SNTG1: variants seen among roughly 807,000 people sequenced by gnomAD.
SNTG1 encodes gamma-1-syntrophin.
Under a neutral mutation model 74.7 loss-of-function variants are expected in SNTG1, and 39 were observed. That is an observed-to-expected ratio of 0.52 (90% confidence interval 0.40 to 0.68). SNTG1 has a LOEUF of 0.68. Ranked by LOEUF, SNTG1 falls within the 30% of genes least tolerant of loss-of-function variation. The probability of loss-of-function intolerance (pLI) is 0.00; values close to 1 mark genes in which losing one functional copy is unlikely to be tolerated. For missense variants in SNTG1, 685 were observed against 609.5 expected (o/e 1.12, Z -1.30); for synonymous variants, 254 against 217.1 (o/e 1.17, Z -1.49).
At chr8:50,398,257 T>A (rs1455336813) in intron 3 of SNTG1, among the ~76,000 whole-genome samples, 1 of 152,268 alleles carries the variant, frequency 6.6e-6, no homozygotes, top group Non-Finnish European at 1.5e-5. Flanking sequence ...TTGCTCACAT[T>A]TATGTATGGC....
chr8:50,689,660 C>G (rs1330035128), intron 15 of SNTG1, among the ~76,000 whole-genome samples: 4 of 152,142 alleles, frequency 2.6e-5, no homozygotes, highest in African/African-American at 4.8e-5. Context: ...CAGTATTTTA[C>G]TGAGGATTTT....
chr8:50,721,302 T>C (rs1053052365), intron 17 of SNTG1, among the ~76,000 whole-genome samples: 5 of 152,192 alleles, frequency 3.3e-5, no homozygotes, highest in Non-Finnish European at 5.9e-5. Context: ...AATAAAAAGT[T>C]AGGGCAAGCT....
chr8:50,341,671 C>A (rs909188089), intron 2 of SNTG1, among the ~76,000 whole-genome samples: 8 of 151,778 alleles, frequency 5.3e-5, no homozygotes, highest in African/African-American at 1.7e-4. Flanking sequence ...TTCTGTTTCC[C>A]AAATGAAATG....
At chr8:50,349,925 G>A (rs1388800819) in intron 2 of SNTG1, among the ~76,000 whole-genome samples, 1 of 152,142 alleles carries the variant, frequency 6.6e-6, no homozygotes, top group East Asian at 1.9e-4. Context: ...GGAGTGAGAG[G>A]CGCGAGCCGG....
chr8:50,498,985 C>A (rs1472224653), intron 8 of SNTG1, among the ~76,000 whole-genome samples: 1 of 151,460 alleles, frequency 6.6e-6, no homozygotes, highest in Non-Finnish European at 1.5e-5. Context: ...CTTTATCTAT[C>A]TTTTTGATAA....
chr8:50,246,976 A>G (rs1448377057), intron 2 of SNTG1, among the ~76,000 whole-genome samples: 4 of 152,184 alleles, frequency 2.6e-5, no homozygotes, highest in Admixed American at 2.0e-4. Flanking sequence ...ATTTCCATTG[A>G]AAGTTCGGCT....
At chr8:50,785,390 TA>T (rs2095671854) in intron 18 of SNTG1, among the ~76,000 whole-genome samples, 1 of 151,976 alleles carries the variant, frequency 6.6e-6, no homozygotes, top group African/African-American at 2.4e-5. Flanking sequence ...AACGTAACTA[TA>T]AATAATTGCT....
rs1022483242 is a variant in SNTG1, at chr8:50,234,294, G to A, written c.-28+61659G>A. ...AACATTACACTGAAGGAAAAAGGCT[G>A]TGTCAAAAATTGCATACTGAGTGAT... On this transcript the variant is annotated intron_variant, in intron 2 of 18. Transcript: ENST00000642720. 2.0e-5 allele frequency among the ~76,000 whole-genome samples: 3 copies of A among 152,090 alleles called. No homozygotes were observed. The South Asian group carries it at 6.2e-4, about 31-fold the overall frequency.
intron 2 of SNTG1, among the ~76,000 whole-genome samples, chr8:50,260,952 G>C (rs2087162509): frequency 6.6e-6 from 1 of 152,162 alleles, no homozygotes; most frequent in Admixed American, 6.5e-5. Flanking sequence ...ACTAGAAAGA[G>C]AGAGAAAAAA....
At chr8:50,035,798 C>T (rs1285746999) in intron 1 of SNTG1, among the ~76,000 whole-genome samples, 2 of 152,118 alleles carry the variant, frequency 1.3e-5, no homozygotes, top group Non-Finnish European at 2.9e-5. Context: ...TGGGACTGGA[C>T]CGGAACACAC....
At chr8:50,286,180 T>C (rs2088772522) in intron 2 of SNTG1, among the ~76,000 whole-genome samples, 1 of 152,162 alleles carries the variant, frequency 6.6e-6, no homozygotes, top group Admixed American at 6.6e-5. Context: ...GGCAGTAGTG[T>C]TCAGAGAATG....
intron 1 of SNTG1, among the ~76,000 whole-genome samples, chr8:50,107,572 T>TG (rs946600926): frequency 3.9e-5 from 6 of 151,952 alleles, no homozygotes; most frequent in South Asian, 4.2e-4. Context: ...TTTTTTGTTT[T>TG]TTTTGTTTTG....
At chr8:50,374,717 T>A (rs1444645035) in intron 2 of SNTG1, among the ~76,000 whole-genome samples, 1 of 152,244 alleles carries the variant, frequency 6.6e-6, no homozygotes, top group East Asian at 1.9e-4. Flanking sequence ...CAAATCAATG[T>A]GAACTGCTCA....
In SNTG1 at chr8:50,794,535, A is replaced by G. The variant is rs745523391; in HGVS notation, c.*1706A>G. 3.9e-5 allele frequency: 6 copies of G among 152,048 alleles called. No individual in the cohort carries two copies. The highest frequency in any genetic ancestry group is 8.8e-5 in the Non-Finnish European group (6 of 67,968). 9.4% of individuals were successfully genotyped at this position (152,048 alleles called of 1,614,324 possible). On this transcript the variant is annotated 3_prime_UTR_variant, in exon 19 of 19. Coordinates refer to ENST00000642720, the MANE Select transcript of SNTG1 (RefSeq NM_018967.5). ...CTAAGTACACATTTGTAATTAGGAT[A>G]GAACTTTAGAATTATTGCACACTAT...
chr8:50,041,027 AC>A (rs780928417), intron 1 of SNTG1, among the ~76,000 whole-genome samples: 14 of 151,964 alleles, frequency 9.2e-5, no homozygotes, highest in Admixed American at 5.2e-4. Context: ...CTCCCAAGTA[AC>A]TGGGATTACA....
At chr8:49,978,095 G>T (rs945252142) in intron 1 of SNTG1, among the ~76,000 whole-genome samples, 1 of 152,212 alleles carries the variant, frequency 6.6e-6, no homozygotes. Flanking sequence ...CCTAATGGAC[G>T]TTGGGATGTT....
intron 2 of SNTG1, among the ~76,000 whole-genome samples, chr8:50,225,570 C>T (rs1258240725): frequency 6.6e-6 from 1 of 152,092 alleles, no homozygotes; most frequent in African/African-American, 2.4e-5. Flanking sequence ...CAAGCTATTG[C>T]CCAATCACCT....
Position 50,399,966 on chromosome 8 carries a change from C to T in SNTG1, c.28-2244C>T, listed in dbSNP as rs540335890. Among the ~76,000 whole-genome samples, 155 of 152,266 alleles carry T rather than the reference C, an allele frequency of 1.0e-3. 3 individuals carry two copies. Among genetic ancestry groups the T allele is most frequent in the South Asian group, 9.5e-3 (46 of 4,822 alleles). On this transcript the variant is annotated intron_variant, in intron 3 of 18. Transcript: ENST00000642720. Reference sequence around the variant, plus strand: ...AAGCTTCTGTTTTTCCTAAAAAAGACATCATACCTTTTACAAAATAATTCT... The same window carrying T: ...AAGCTTCTGTTTTTCCTAAAAAAGATATCATACCTTTTACAAAATAATTCT...
intron 1 of SNTG1, among the ~76,000 whole-genome samples, chr8:50,016,446 A>G (rs10102345): frequency 2.2e-4 from 33 of 152,264 alleles, no homozygotes; most frequent in African/African-American, 7.0e-4. Flanking sequence ...AACTTCTTGT[A>G]TAGTTGTAAG....
Sources: gnomAD v4.1 joint callset for allele counts (sites outside exome capture counted in the v4.1 genomes callset) on GRCh38, gnomAD v4.1.1 for gene constraint, MANE v1.5 for transcripts, NCBI Gene and HGNC (gene_info 2026-07-23, HGNC 2026-07-21) for gene names.